Variants in RBFOX1 observed in about 807,000 individuals in gnomAD.
RBFOX1 encodes the protein RNA binding protein fox-1 homolog 1.
RBFOX1 carries 8 observed loss-of-function variants against 57.7 expected under a neutral mutation model. The observed-to-expected ratio is 0.14, with a 90% CI of 0.08 to 0.25. RBFOX1 has a LOEUF of 0.25. RBFOX1 is among the 10% of genes least tolerant of loss of function. RBFOX1 has a pLI of 1.00. For missense variants in RBFOX1, 611 were observed against 548.5 expected, an observed-to-expected ratio of 1.11 and a Z score of -1.14; for synonymous variants, 326 against 222.4, an observed-to-expected ratio of 1.47 and a Z score of -4.15.
chr16:7,124,980 C>G (rs1240885860), intron 4 of RBFOX1, among the ~76,000 whole-genome samples: 2 of 152,134 alleles, frequency 1.3e-5, no homozygotes, highest in African/African-American at 4.8e-5. Context: ...AAGTATGTGT[C>G]TGCTCACGGA....
At chr16:5,767,169 G>A (rs2053811511) in intron 3 of RBFOX1, among the ~76,000 whole-genome samples, 2 of 152,160 alleles carry the variant, frequency 1.3e-5, no homozygotes, top group Non-Finnish European at 2.9e-5. Flanking sequence ...ACAGGTTAAG[G>A]GTGAGGGATA....
intron 1 of RBFOX1, among the ~76,000 whole-genome samples, chr16:5,358,679 C>T (rs984081075): frequency 1.3e-5 from 2 of 152,084 alleles, no homozygotes; most frequent in East Asian, 1.9e-4. Context: ...CAAAATTAGC[C>T]GGGTGTGGTG....
In RBFOX1 at chr16:6,787,971, C is replaced by T. The variant is rs563529172; in HGVS notation, c.-16+133321C>T. 2.3e-4 allele frequency among the ~76,000 whole-genome samples: 34 copies of T among 149,400 alleles called. No individual in the cohort carries two copies. The South Asian group carries it at 5.7e-3, about 25-fold the overall frequency. On this transcript the variant is annotated intron_variant, in intron 3 of 15. Transcript: ENST00000550418. ...GGCACGGTGGCTCATGTCTGTAATCCCAGCACTTTGGGAGTCCGAGGTGGG... is the reference window on the plus strand; with the variant it reads ...GGCACGGTGGCTCATGTCTGTAATCTCAGCACTTTGGGAGTCCGAGGTGGG...
intron 4 of RBFOX1, among the ~76,000 whole-genome samples, chr16:7,448,812 C>T (rs972474471): frequency 6.6e-6 from 1 of 152,088 alleles, no homozygotes; most frequent in Non-Finnish European, 1.5e-5. Flanking sequence ...TGTAAGGGCA[C>T]CAGCCATTGG....
chr16:6,736,272 C>A (rs1043709681), intron 3 of RBFOX1, among the ~76,000 whole-genome samples: 2 of 152,022 alleles, frequency 1.3e-5, no homozygotes, highest in African/African-American at 4.8e-5. Context: ...TTTTGGTGCA[C>A]CCATCACTGC....
chr16:6,929,414 C>T (rs923521734), intron 3 of RBFOX1, among the ~76,000 whole-genome samples: 1 of 152,128 alleles, frequency 6.6e-6, no homozygotes, highest in African/African-American at 2.4e-5. Context: ...GTATTGATGC[C>T]TCCACCAGGT....
At chr16:5,933,710 T>G (rs1162957667) in intron 4 of RBFOX1, among the ~76,000 whole-genome samples, 1 of 152,076 alleles carries the variant, frequency 6.6e-6, no homozygotes, top group Non-Finnish European at 1.5e-5. Context: ...ATGTAGAGTT[T>G]GGGGTAGAAG....
intron 4 of RBFOX1, among the ~76,000 whole-genome samples, chr16:7,340,764 C>G (rs1603624774): frequency 6.6e-6 from 1 of 152,176 alleles, no homozygotes; most frequent in South Asian, 2.1e-4. Flanking sequence ...ATGCTAGTGA[C>G]TTGTCCTATT....
At chr16:6,329,320 G>C (rs2082735812) in intron 2 of RBFOX1, among the ~76,000 whole-genome samples, 1 of 152,142 alleles carries the variant, frequency 6.6e-6, no homozygotes, top group South Asian at 2.1e-4. Flanking sequence ...GATAGGTTCT[G>C]CTAATTATTA....
chr16:7,229,400 A>G (rs1415519575), intron 4 of RBFOX1, among the ~76,000 whole-genome samples: 1 of 152,164 alleles, frequency 6.6e-6, no homozygotes, highest in East Asian at 1.9e-4. Context: ...TATAAAGGAT[A>G]GACAGAAAGG....
intron 4 of RBFOX1, among the ~76,000 whole-genome samples, chr16:7,414,146 C>T (rs1006861250): frequency 1.3e-5 from 2 of 152,190 alleles, no homozygotes; most frequent in Non-Finnish European, 2.9e-5. Context: ...TCCATTCATT[C>T]GTTCTTCACT....
At chr16:6,516,000 T>TTTTTA (rs1272490679) in intron 2 of RBFOX1, among the ~76,000 whole-genome samples, 1 of 152,116 alleles carries the variant, frequency 6.6e-6, no homozygotes. Context: ...CTGGTTTTAT[T>TTTTTA]TTTTATTTTA....
intron 3 of RBFOX1, among the ~76,000 whole-genome samples, chr16:6,995,205 G>T (rs1456230209): frequency 6.6e-6 from 1 of 151,350 alleles, no homozygotes; most frequent in Non-Finnish European, 1.5e-5. Context: ...GGAATTGGAT[G>T]TAATGTGATC....
Position 5,946,357 on chromosome 16 carries a change from A to T in RBFOX1, c.351+79022A>T, listed in dbSNP as rs1476376595. ...TGTGTCTTCAATGATTTACTTCTCCATTCCTTTTCTTTTCGTTTGCTCATG... is the reference window on the plus strand; with the variant it reads ...TGTGTCTTCAATGATTTACTTCTCCTTTCCTTTTCTTTTCGTTTGCTCATG... On this transcript the variant is annotated intron_variant, in intron 4 of 19. Coordinates refer to the RBFOX1 transcript ENST00000641259. The surrounding 1 kb of genome is among the most constrained non-coding windows in gnomAD (Gnocchi z 4.6). Among the ~76,000 whole-genome samples the T allele has an allele frequency of 6.6e-6, 1 of 152,130 alleles. No individual in the cohort carries two copies. Among genetic ancestry groups the T allele is most frequent in the Non-Finnish European group, 1.5e-5 (1 of 68,020 alleles).
At chr16:6,959,521 C>T (rs1156781473) in intron 3 of RBFOX1, among the ~76,000 whole-genome samples, 3 of 152,078 alleles carry the variant, frequency 2.0e-5, no homozygotes, top group Admixed American at 1.3e-4. Context: ...TACCCTCTCT[C>T]ATTCTGTGTG....
chr16:5,319,389 A>C (rs1016662298), intron 1 of RBFOX1, among the ~76,000 whole-genome samples: 1 of 152,164 alleles, frequency 6.6e-6, no homozygotes, highest in Non-Finnish European at 1.5e-5. Context: ...GCCCTGTTCT[A>C]GTGGTCTCTG....
intron 3 of RBFOX1, among the ~76,000 whole-genome samples, chr16:6,733,717 C>A (rs541510758): frequency 5.3e-4 from 80 of 152,110 alleles, no homozygotes; most frequent in African/African-American, 1.8e-3. Flanking sequence ...GAGATCACAC[C>A]ACTGCACTCC....
intron 4 of RBFOX1, among the ~76,000 whole-genome samples, chr16:7,165,354 A>G (rs1259475242): frequency 6.8e-6 from 1 of 147,858 alleles, no homozygotes; most frequent in Non-Finnish European, 1.5e-5. Context: ...AATGGACTTA[A>G]TGGCTACTAG....
At position 6,453,830 on chromosome 16, in the gene RBFOX1, A is replaced by G. The variant is rs973658232; in HGVS notation, c.-64+136773A>G. Among the ~76,000 whole-genome samples, 2 of 152,230 alleles carry G rather than the reference A, an allele frequency of 1.3e-5. 1 individual carries two copies. Among genetic ancestry groups the G allele is most frequent in the Non-Finnish European group, 2.9e-5 (2 of 68,048 alleles). On this transcript the variant is annotated intron_variant, in intron 2 of 15. Transcript: ENST00000550418. ...CATTTCAAGTGCTTACTGACCACAC[A>G]GGGCCAGAGGCTACCATACTGGATG...
Sources: allele counts gnomAD v4.1 joint callset (sites outside exome capture counted in the v4.1 genomes callset), GRCh38; gene constraint gnomAD v4.1.1; non-coding constraint Gnocchi (gnomAD v3.1); transcripts MANE v1.5; gene names NCBI Gene and HGNC (gene_info 2026-07-23, HGNC 2026-07-21).